The following GHR variants were observed in gnomAD, a reference collection of about 807,000 sequenced individuals.
GHR encodes GH receptor.
GHR carries 35 observed loss-of-function variants against 67.1 expected under a neutral mutation model. That is an observed-to-expected ratio of 0.52 (90% confidence interval 0.40 to 0.69). The LOEUF is 0.69. Among genes scored for constraint, GHR ranks in the 30% least tolerant of loss-of-function variants. GHR has a pLI of 0.00. For missense variants in GHR, 792 were observed against 764.6 expected (o/e 1.04, Z -0.42); for synonymous variants, 272 against 269.1 (o/e 1.01, Z -0.10).
In GHR at chr5:42,711,333, G is replaced by C; in HGVS notation, c.745G>C (p.Val249Leu). The part of the protein sequence containing the change: ...NYGEFSEVLY[V>L]TLPQMSQFTC... ...TGGCGAGTTCAGTGAGGTGCTCTAT[G>C]TAACACTTCCTCAGATGAGCCAATT... Residue 249 changes from valine (V) to leucine (L), a missense_variant, in exon 7 of 10, where the codon GTA (valine) becomes CTA (leucine). Val to Leu is a conservative substitution (Grantham distance 32, BLOSUM62 1). Coordinates refer to ENST00000230882, the MANE Select transcript of GHR (RefSeq NM_000163.5). 6.2e-7 allele frequency: 1 copy of C among 1,613,200 alleles called. No individual in the cohort carries two copies. The highest frequency in any genetic ancestry group is 8.5e-7 in the Non-Finnish European group (1 of 1,179,168).
chr5:42,621,325 G>A (rs772204384), intron 2 of GHR, among the ~76,000 whole-genome samples: 2 of 152,084 alleles, frequency 1.3e-5, no homozygotes, highest in Admixed American at 6.6e-5. Context: ...TTCCCTGGAC[G>A]TCACTACTGC....
chr5:42,495,020 C>T (rs1016846536), intron 1 of GHR, among the ~76,000 whole-genome samples: 1 of 151,994 alleles, frequency 6.6e-6, no homozygotes, highest in African/African-American at 2.4e-5. Context: ...ACATGCTAGC[C>T]TCCATGTTGT....
intron 1 of GHR, among the ~76,000 whole-genome samples, chr5:42,505,722 T>C (rs1322532500): frequency 6.6e-6 from 1 of 152,194 alleles, no homozygotes; most frequent in Non-Finnish European, 1.5e-5. Context: ...CATTGTCACA[T>C]TGGATTGCTG....
intron 1 of GHR, among the ~76,000 whole-genome samples, chr5:42,466,556 A>T (rs1487713545): frequency 1.3e-5 from 2 of 152,226 alleles, no homozygotes; most frequent in Non-Finnish European, 2.9e-5. Flanking sequence ...CAGAGTTTTT[A>T]AAAACAAAAT....
At chr5:42,480,098 G>A (rs186689901) in intron 1 of GHR, among the ~76,000 whole-genome samples, 1 of 152,034 alleles carries the variant, frequency 6.6e-6, no homozygotes, top group Non-Finnish European at 1.5e-5. Context: ...CTTTGTTCTT[G>A]TTGCTTTCAA....
chr5:42,513,185 G>T (rs1747094499), intron 1 of GHR, among the ~76,000 whole-genome samples: 1 of 152,196 alleles, frequency 6.6e-6, no homozygotes, highest in South Asian at 2.1e-4. Context: ...GAGATGTGAT[G>T]CTTTGACACA....
intron 1 of GHR, among the ~76,000 whole-genome samples, chr5:42,556,058 C>G (rs1353936774): frequency 1.3e-5 from 2 of 152,050 alleles, no homozygotes; most frequent in Admixed American, 6.6e-5. Context: ...CATTGCCTCA[C>G]TCTTGGTTTC....
At chr5:42,534,700 C>T (rs1388140421) in intron 1 of GHR, among the ~76,000 whole-genome samples, 1 of 151,910 alleles carries the variant, frequency 6.6e-6, no homozygotes. Context: ...TGAATCAAAT[C>T]GTAGTTCTAC....
intron 4 of GHR, among the ~76,000 whole-genome samples, chr5:42,691,806 A>G (rs552037035): frequency 6.6e-6 from 1 of 152,368 alleles, no homozygotes; most frequent in South Asian, 2.1e-4. Flanking sequence ...TTAGAGCAGC[A>G]GATTCAAAAC....
intron 3 of GHR, among the ~76,000 whole-genome samples, chr5:42,671,578 A>G (rs1756301633): frequency 6.6e-6 from 1 of 152,032 alleles, no homozygotes; most frequent in South Asian, 2.1e-4. Context: ...ATTATAAACA[A>G]AAACCACATG....
intron 1 of GHR, among the ~76,000 whole-genome samples, chr5:42,525,282 C>T (rs554198791): frequency 1.3e-5 from 2 of 152,344 alleles, no homozygotes; most frequent in Admixed American, 6.5e-5. Flanking sequence ...CTTCCATCAG[C>T]GTGACCTGGA....
chr5:42,550,927 T>C (rs1440719915), intron 1 of GHR, among the ~76,000 whole-genome samples: 3 of 152,198 alleles, frequency 2.0e-5, no homozygotes, highest in Non-Finnish European at 4.4e-5. Context: ...AGCCTGAGGC[T>C]CAACTTCTAG....
chr5:42,519,644 T>TA (rs1349946070), intron 1 of GHR, among the ~76,000 whole-genome samples: 1 of 152,162 alleles, frequency 6.6e-6, no homozygotes, highest in Non-Finnish European at 1.5e-5. Context: ...ATCTGATTTC[T>TA]AAAAAAATGT....
intron 3 of GHR, among the ~76,000 whole-genome samples, chr5:42,670,727 C>T (rs185295243): frequency 5.6e-4 from 85 of 151,840 alleles, no homozygotes; most frequent in African/African-American, 2.0e-3. Flanking sequence ...GGAGATACAC[C>T]TAATGCTAGA....
intron 1 of GHR, among the ~76,000 whole-genome samples, chr5:42,446,364 C>T (rs976239778): frequency 6.6e-6 from 1 of 152,100 alleles, no homozygotes; most frequent in Non-Finnish European, 1.5e-5. Flanking sequence ...TAGCCCATAA[C>T]CGTGGGGATA....
intron 3 of GHR, among the ~76,000 whole-genome samples, chr5:42,686,829 G>T (rs1189983476): frequency 1.3e-5 from 2 of 152,130 alleles, no homozygotes; most frequent in African/African-American, 4.8e-5. Flanking sequence ...TCTGGCGAGG[G>T]CAGTCAGGCA....
At chr5:42,435,732 A>G (rs1327507578) in intron 1 of GHR, among the ~76,000 whole-genome samples, 1 of 152,236 alleles carries the variant, frequency 6.6e-6, no homozygotes, top group East Asian at 1.9e-4. Context: ...TTTCTGTTCC[A>G]GGATTCAATC....
At chr5:42,515,283 G>C (rs1220354073) in intron 1 of GHR, among the ~76,000 whole-genome samples, 4 of 152,222 alleles carry the variant, frequency 2.6e-5, no homozygotes, top group African/African-American at 9.7e-5. Context: ...GCTTAGGCTA[G>C]TGTCTCTTTC....
Position 42,424,480 on chromosome 5 carries a change from C to A in GHR, c.-12+525C>A. 1 of 898,488 alleles carries A rather than the reference C, an allele frequency of 1.1e-6. No individual in the cohort carries two copies. The highest frequency in any genetic ancestry group is 1.8e-6 in the Non-Finnish European group (1 of 568,398). 55.7% of individuals were successfully genotyped at this position (898,488 alleles called of 1,614,324 possible). The stretch of plus-strand genomic sequence containing the variant: ...GAGACTGGGGAGGTCGAGCTGTGCG[C>A]GTGGACACAGCGCGCAGAGCGCGCG... On this transcript the variant is annotated intron_variant, in intron 1 of 9. Transcript: ENST00000230882. The surrounding 1 kb of genome is among the most constrained non-coding windows in gnomAD (Gnocchi z 4.1).
Sources: gnomAD v4.1 joint callset for allele counts (sites outside exome capture counted in the v4.1 genomes callset) on GRCh38, gnomAD v4.1.1 for gene constraint, Gnocchi (gnomAD v3.1) non-coding constraint, MANE v1.5 for transcripts, NCBI Gene and HGNC (gene_info 2026-07-23, HGNC 2026-07-21) for gene names.